RBFOX1: variants seen among roughly 807,000 people sequenced by gnomAD.
RBFOX1 encodes RNA binding fox-1 homolog 1, also known as RNA binding protein fox-1 homolog 1.
Under a neutral mutation model 57.7 loss-of-function variants are expected in RBFOX1, and 8 were observed. The observed-to-expected ratio is 0.14, with a 90% CI of 0.08 to 0.25. RBFOX1 has a LOEUF of 0.25. RBFOX1 is among the 10% of genes least tolerant of loss of function. The probability of loss-of-function intolerance (pLI) is 1.00; values close to 1 mark genes in which losing one functional copy is unlikely to be tolerated. For synonymous variants in RBFOX1, 326 were observed against 222.4 expected, an observed-to-expected ratio of 1.47 and a Z score of -4.15; for missense variants, 611 against 548.5, an observed-to-expected ratio of 1.11 and a Z score of -1.14.
chr16:7,030,036 G>A (rs1461250110), intron 3 of RBFOX1, among the ~76,000 whole-genome samples: 2 of 152,010 alleles, frequency 1.3e-5, no homozygotes, highest in South Asian at 2.1e-4. Flanking sequence ...AGTGGAGGAT[G>A]GTGGGATAGA....
rs111987556 is a variant in RBFOX1, at chr16:6,868,576, A to C, written c.-15-183481A>C. 2.2e-4 allele frequency among the ~76,000 whole-genome samples: 34 copies of C among 152,136 alleles called. 1 individual carries two copies. The highest frequency in any genetic ancestry group is 7.7e-4 in the African/African-American group (32 of 41,498). On this transcript the variant is annotated intron_variant, in intron 3 of 15. Coordinates refer to ENST00000550418, the MANE Select transcript of RBFOX1 (RefSeq NM_018723.4). Reference sequence around the variant, plus strand: ...AACCTCTGCTTCCTGGGTTCAAGCAATTCTCCTGCTTTAGCGTCCTGAGTA... The same window carrying C: ...AACCTCTGCTTCCTGGGTTCAAGCACTTCTCCTGCTTTAGCGTCCTGAGTA...
chr16:7,051,948 T>G (rs2050227545), intron 3 of RBFOX1, 109 bp from the exon 4 acceptor site: 1 of 1,467,290 alleles, frequency 6.8e-7, no homozygotes, highest in Admixed American at 2.1e-5. Flanking sequence ...AATTAATTAA[T>G]TATGGGTTTT....
intron 4 of RBFOX1, among the ~76,000 whole-genome samples, chr16:7,350,261 T>C (rs1186445662): frequency 6.6e-6 from 1 of 152,008 alleles, no homozygotes; most frequent in Non-Finnish European, 1.5e-5. Context: ...CTGTGTACAG[T>C]CGTGGGGTAT....
chr16:6,423,081 C>T (rs1308639038), intron 2 of RBFOX1, among the ~76,000 whole-genome samples: 1 of 152,166 alleles, frequency 6.6e-6, no homozygotes, highest in Non-Finnish European at 1.5e-5. Flanking sequence ...TAGGTTGATT[C>T]CATGTATTCA....
At chr16:6,866,429 G>A (rs2142974591) in intron 3 of RBFOX1, among the ~76,000 whole-genome samples, 1 of 150,206 alleles carries the variant, frequency 6.7e-6, no homozygotes, top group East Asian at 2.0e-4. Flanking sequence ...GACTTCTAGT[G>A]TCTTTCCCAT....
Position 5,947,943 on chromosome 16 carries a change from T to C in RBFOX1, c.351+80608T>C, listed in dbSNP as rs2152272993. 6.6e-6 allele frequency among the ~76,000 whole-genome samples: 1 copy of C among 152,358 alleles called. No homozygotes were observed. The highest frequency in any genetic ancestry group is 1.9e-4 in the East Asian group (1 of 5,182). On this transcript the variant is annotated intron_variant, in intron 4 of 19. Coordinates refer to the RBFOX1 transcript ENST00000641259. The surrounding 1 kb of genome is among the most constrained non-coding windows in gnomAD (Gnocchi z 7.2). ...ATGGTACAGAATTTTAATTTGCAAA[T>C]GCATCACCAGATTCTTGATTGAATT...
chr16:6,072,163 G>A (rs562218248), intron 1 of RBFOX1, among the ~76,000 whole-genome samples: 1 of 152,144 alleles, frequency 6.6e-6, no homozygotes, highest in Non-Finnish European at 1.5e-5. Flanking sequence ...CAGGGGAACT[G>A]CCCTTTATAA....
chr16:6,357,226 C>G (rs778052716), intron 2 of RBFOX1, among the ~76,000 whole-genome samples: 22 of 152,054 alleles, frequency 1.4e-4, no homozygotes, highest in Non-Finnish European at 1.5e-4. Flanking sequence ...GAAAATGAGC[C>G]TTCGTGCTAG....
At chr16:7,517,326 T>C (rs1298500858) in intron 4 of RBFOX1, among the ~76,000 whole-genome samples, 1 of 152,016 alleles carries the variant, frequency 6.6e-6, no homozygotes, top group Non-Finnish European at 1.5e-5. Flanking sequence ...CTGTTTTGCC[T>C]AGATCTGAAG....
At chr16:6,540,320 AAACTC>A (rs1369972265) in intron 2 of RBFOX1, among the ~76,000 whole-genome samples, 4 of 151,484 alleles carry the variant, frequency 2.6e-5, no homozygotes, top group South Asian at 2.1e-4. Context: ...TAAAAAAAAA[AAACTC>A]AACTCAGGCC....
intron 3 of RBFOX1, among the ~76,000 whole-genome samples, chr16:5,740,579 A>G (rs1378367004): frequency 6.6e-6 from 1 of 152,242 alleles, no homozygotes; most frequent in East Asian, 1.9e-4. Context: ...CTGTCAAGTC[A>G]TGCAACTGAA....
intron 2 of RBFOX1, among the ~76,000 whole-genome samples, chr16:5,523,616 A>AAAAC (rs79122543): frequency 0.03 from 4,541 of 151,414 alleles, 68 homozygotes; most frequent in Non-Finnish European, 0.039. Flanking sequence ...GACCCTGTCT[A>AAAAC]AAACAAACAA....
At chr16:7,208,071 C>G (rs761180522) in intron 4 of RBFOX1, among the ~76,000 whole-genome samples, 5 of 152,202 alleles carry the variant, frequency 3.3e-5, no homozygotes, top group Admixed American at 1.3e-4. Context: ...ATCAATCCTG[C>G]AACAGGGAAG....
intron 4 of RBFOX1, among the ~76,000 whole-genome samples, chr16:5,973,452 G>A (rs2060001492): frequency 1.3e-5 from 2 of 152,206 alleles, no homozygotes; most frequent in South Asian, 4.1e-4. Flanking sequence ...CAAAGCCAGA[G>A]TTCCCTTAGC....
At chr16:6,606,166 T>C (rs550190597) in intron 2 of RBFOX1, among the ~76,000 whole-genome samples, 1 of 152,156 alleles carries the variant, frequency 6.6e-6, no homozygotes, top group African/African-American at 2.4e-5. Flanking sequence ...TCCAGTAACA[T>C]GCAAGTGTTG....
intron 2 of RBFOX1, among the ~76,000 whole-genome samples, chr16:6,588,529 C>T (rs763495654): frequency 5.3e-5 from 8 of 151,406 alleles, no homozygotes; most frequent in African/African-American, 9.7e-5. Flanking sequence ...GGTGCACACC[C>T]GTAACTCAGC....
chr16:7,456,044 G>T (rs2058447557), intron 4 of RBFOX1, among the ~76,000 whole-genome samples: 1 of 152,164 alleles, frequency 6.6e-6, no homozygotes, highest in African/African-American at 2.4e-5. Context: ...CCCAGGCTTT[G>T]AAGAGCCCCG....
intron 1 of RBFOX1, among the ~76,000 whole-genome samples, chr16:5,356,315 C>T (rs1309972983): frequency 2.0e-5 from 3 of 152,342 alleles, no homozygotes; most frequent in African/African-American, 7.2e-5. Context: ...GGCTACAGAA[C>T]TGTGAGCCGA....
chr16:7,523,508 T>C (rs1053743369), intron 5 of RBFOX1, among the ~76,000 whole-genome samples: 15 of 152,206 alleles, frequency 9.9e-5, no homozygotes, highest in Non-Finnish European at 4.4e-5. Flanking sequence ...AGTATTTGAA[T>C]GGCAATGGAT....
Sources: allele counts gnomAD v4.1 joint callset (sites outside exome capture counted in the v4.1 genomes callset), GRCh38; gene constraint gnomAD v4.1.1; non-coding constraint Gnocchi (gnomAD v3.1); transcripts MANE v1.5; gene names NCBI Gene and HGNC (gene_info 2026-07-23, HGNC 2026-07-21).